The following TSNARE1 variants were observed in gnomAD, a reference collection of about 807,000 sequenced individuals.
The protein encoded by TSNARE1 is t-SNARE domain containing 1, also known as t-SNARE domain-containing protein 1.
A neutral mutation model predicts 62.0 loss-of-function variants in TSNARE1; 49 were observed. The observed-to-expected ratio is 0.79, with a 90% CI of 0.63 to 1.00. The LOEUF is 1.00. Ranked by LOEUF, TSNARE1 falls within the 50% of genes least tolerant of loss-of-function variation. TSNARE1 has a pLI of 0.00. For synonymous variants in TSNARE1, 328 were observed against 294.4 expected (o/e 1.11, Z -1.17); for missense variants, 755 against 700.1 (o/e 1.08, Z -0.88).
intron 11 of TSNARE1, chr8:142,276,049 C>A: frequency 1.0e-6 from 1 of 985,428 alleles, no homozygotes; most frequent in Non-Finnish European, 1.2e-6. Context: ...CCCTTGGTCA[C>A]CAGCTCCACC....
At chr8:142,297,669 T>C (rs1258540045) in intron 10 of TSNARE1, among the ~76,000 whole-genome samples, 1 of 152,136 alleles carries the variant, frequency 6.6e-6, no homozygotes, top group Non-Finnish European at 1.5e-5. Flanking sequence ...GCTGCAAAGA[T>C]GGCTGCAGAG....
chr8:142,230,962 A>AT (rs1817084792), intron 12 of TSNARE1, among the ~76,000 whole-genome samples: 1 of 146,866 alleles, frequency 6.8e-6, no homozygotes, highest in African/African-American at 2.6e-5. Flanking sequence ...CCATCATCCA[A>AT]CCATCCATCC....
At chr8:142,297,172 T>C (rs1195381989) in intron 10 of TSNARE1, among the ~76,000 whole-genome samples, 1 of 152,172 alleles carries the variant, frequency 6.6e-6, no homozygotes, top group Admixed American at 6.5e-5. Context: ...CCTGGCCCTT[T>C]GTTTTGTCCC....
intron 1 of TSNARE1, among the ~76,000 whole-genome samples, chr8:142,374,558 A>T (rs1035893918): frequency 6.6e-6 from 1 of 151,834 alleles, no homozygotes; most frequent in African/African-American, 2.4e-5. Flanking sequence ...GGGCGCCTGT[A>T]GTCCCAGGCT....
chr8:142,269,570 C>A (rs1006729545), intron 12 of TSNARE1: 1 of 984,296 alleles, frequency 1.0e-6, no homozygotes, highest in Non-Finnish European at 1.2e-6. Flanking sequence ...CTCAAGTGAT[C>A]TTCCTGCCTC....
chr8:142,220,134 A>G (rs1816140398), intron 13 of TSNARE1, among the ~76,000 whole-genome samples: 1 of 152,216 alleles, frequency 6.6e-6, no homozygotes, highest in Non-Finnish European at 1.5e-5. Flanking sequence ...CAAGAGTAGT[A>G]GAGACGGGCA....
intron 1 of TSNARE1, among the ~76,000 whole-genome samples, chr8:142,378,233 G>A (rs1023616146): frequency 6.6e-6 from 1 of 152,190 alleles, no homozygotes. Context: ...GGGAGAAGGC[G>A]CGGACGCCAC....
chr8:142,250,779 A>T (rs1186239280), intron 12 of TSNARE1, among the ~76,000 whole-genome samples: 2 of 152,176 alleles, frequency 1.3e-5, no homozygotes, highest in Non-Finnish European at 2.9e-5. Context: ...CCTGACCTGC[A>T]GTCAAGGCTG....
Position 142,302,606 on chromosome 8 carries a change from T to C in TSNARE1, c.1132-1962A>G, listed in dbSNP as rs530850609. Among the ~76,000 whole-genome samples, 171 of 152,068 alleles carry C rather than the reference T, an allele frequency of 1.1e-3. 5 individuals are homozygous for C. In the South Asian group the frequency reaches 0.035, roughly 31 times the overall value. The stretch of plus-strand genomic sequence containing the variant: ...TGCGGGGAACATAATCAACGTCCTC[T>C]CCCAGGTCTGGGAAAGGCCCCGCAA... On this transcript the variant is annotated intron_variant, in intron 9 of 13. Coordinates refer to ENST00000524325, the MANE Select transcript of TSNARE1 (RefSeq NM_145003.5).
intron 10 of TSNARE1, among the ~76,000 whole-genome samples, chr8:142,298,762 G>A (rs1825187553): frequency 6.6e-6 from 1 of 152,196 alleles, no homozygotes; most frequent in Non-Finnish European, 1.5e-5. Flanking sequence ...AGCCGCCCGA[G>A]GGGCTGTGAC....
At chr8:142,401,994 T>C (rs981152787) in intron 1 of TSNARE1, among the ~76,000 whole-genome samples, 6 of 151,878 alleles carry the variant, frequency 4.0e-5, no homozygotes. Context: ...TCACAGGCAC[T>C]AAAGATAAAA....
intron 1 of TSNARE1, among the ~76,000 whole-genome samples, chr8:142,391,503 G>GCAGCTCTT (rs995194530): frequency 6.6e-6 from 1 of 152,208 alleles, no homozygotes; most frequent in South Asian, 2.1e-4. Flanking sequence ...AGGAAGAGCT[G>GCAGCTCTT]CAGCTCTTCA....
chr8:142,274,923 G>C, intron 11 of TSNARE1, 60 bp from the exon 12 acceptor site: 1 of 1,439,962 alleles, frequency 6.9e-7, no homozygotes, highest in Non-Finnish European at 9.2e-7. Context: ...CCCGCCCTGA[G>C]GACACCCCCC....
chr8:142,399,463 G>A (rs1168686655), intron 1 of TSNARE1, among the ~76,000 whole-genome samples: 4 of 152,190 alleles, frequency 2.6e-5, no homozygotes, highest in African/African-American at 7.2e-5. Context: ...GGACCGTGGG[G>A]GCAGGAGGAA....
chr8:142,271,065 C>G, intron 12 of TSNARE1: 3 of 986,014 alleles, frequency 3.0e-6, no homozygotes, highest in Non-Finnish European at 3.6e-6. Flanking sequence ...CCCTTTGGCT[C>G]TGCCAGCACC....
chr8:142,235,498 G>A (rs1027368505), intron 12 of TSNARE1, among the ~76,000 whole-genome samples: 4 of 150,974 alleles, frequency 2.6e-5, no homozygotes, highest in Admixed American at 2.0e-4. Flanking sequence ...AACACATGAC[G>A]TTTCAGAAAC....
chr8:142,335,872 C>T (rs913522244), intron 4 of TSNARE1, among the ~76,000 whole-genome samples: 4 of 152,234 alleles, frequency 2.6e-5, no homozygotes, highest in East Asian at 1.9e-4. Flanking sequence ...TGGCAAATGG[C>T]TGTCACGATG....
At chr8:142,379,264 C>T (rs967981230) in intron 1 of TSNARE1, among the ~76,000 whole-genome samples, 1 of 152,250 alleles carries the variant, frequency 6.6e-6, no homozygotes, top group African/African-American at 2.4e-5. Flanking sequence ...GTAGGCACCA[C>T]ACCTCTGAGT....
rs1023152404 is a variant in TSNARE1, at chr8:142,292,195, C to T, written c.1291-7710G>A. ...AACACCAACACGAGACAGGGGCAGA[C>T]AAGCCTTCCCGAGAGTCTCCACCCT... On this transcript the variant is annotated intron_variant, in intron 10 of 13. Coordinates refer to ENST00000524325, the MANE Select transcript of TSNARE1 (RefSeq NM_145003.5). Among the ~76,000 whole-genome samples, 6 of 152,076 alleles carry T rather than the reference C, an allele frequency of 3.9e-5. No homozygotes were observed. In the East Asian group the frequency reaches 7.8e-4, roughly 20 times the overall value.
Sources: allele counts gnomAD v4.1 joint callset (sites outside exome capture counted in the v4.1 genomes callset), GRCh38; gene constraint gnomAD v4.1.1; transcripts MANE v1.5; gene names NCBI Gene and HGNC (gene_info 2026-07-23, HGNC 2026-07-21).